HOOK2: variants seen among roughly 807,000 people sequenced by gnomAD.
The protein encoded by HOOK2 is protein Hook homolog 2.
A neutral mutation model predicts 111.9 loss-of-function variants in HOOK2; 108 were observed. The ratio of observed to expected loss-of-function variants is 0.96; its 90% CI spans 0.83 to 1.13. The LOEUF (loss-of-function observed/expected upper bound fraction) is 1.13. HOOK2 is among the 50% of genes most tolerant of loss of function. The pLI, the probability that HOOK2 is intolerant of heterozygous loss-of-function variation, is 0.00. For synonymous variants in HOOK2, 405 were observed against 394.3 expected, an observed-to-expected ratio of 1.03 and a Z score of -0.32; for missense variants, 978 against 951.3, an observed-to-expected ratio of 1.03 and a Z score of -0.37.
chr19:12,773,447 A>C (rs559914180), intron 3 of HOOK2, among the ~76,000 whole-genome samples: 1 of 151,754 alleles, frequency 6.6e-6, no homozygotes, highest in South Asian at 2.1e-4. Context: ...AGGTTTTGCT[A>C]TGTAGCCCAG....
chr19:12,763,190 C>G lies in HOOK2; in HGVS notation c.*92G>C. 1 of 1,298,832 alleles carries G rather than the reference C, an allele frequency of 7.7e-7. No individual in the cohort carries two copies. Among genetic ancestry groups the G allele is most frequent in the South Asian group, 1.3e-5 (1 of 75,538 alleles). 80.5% of individuals were successfully genotyped at this position (1,298,832 alleles called of 1,614,324 possible). The stretch of plus-strand genomic sequence containing the variant: ...GCAGAGATCATGGCCTCAAAGCTCT[C>G]GAGCACCTGGCTGAAGCCCAGTGCT... On this transcript the variant is annotated 3_prime_UTR_variant, in exon 23 of 23. Coordinates refer to ENST00000397668, the MANE Select transcript of HOOK2 (RefSeq NM_013312.3).
chr19:12,770,162 CAGGGTG>C, intron 10 of HOOK2, 80 bp from the exon 11 acceptor site: 4 of 1,266,912 alleles, frequency 3.2e-6, no homozygotes, highest in Non-Finnish European at 4.2e-6. Context: ...CCTTGGAGCA[CAGGGTG>C]TTGTTCAGCC....
chr19:12,776,126 C>G (rs1395198281), upstream of HOOK2, among the ~76,000 whole-genome samples: 1 of 150,664 alleles, frequency 6.6e-6, no homozygotes, highest in South Asian at 2.1e-4. Flanking sequence ...ATCCGCCCGC[C>G]TCGGCCTCCC....
Position 12,763,685 on chromosome 19 carries a change from G to T in HOOK2, c.1921C>A (p.Arg641Ser). The change falls in exon 21 of 23, where the codon CGC becomes AGC. Residue 641 changes from arginine (R) to serine (S), a missense_variant. Coordinates refer to ENST00000397668, the MANE Select transcript of HOOK2 (RefSeq NM_013312.3). ...LRTQLRERDV[R>S]IRHLEMDFEK... The stretch of plus-strand genomic sequence containing the variant: ...ACACCCACCTCCAGGTGTCGGATGC[G>T]GACATCCCGTTCTCGGAGCTGTGTC... 4 of 1,614,190 alleles carry T rather than the reference G, an allele frequency of 2.5e-6. No individual in the cohort carries two copies. The highest frequency in any genetic ancestry group is 3.4e-6 in the Non-Finnish European group (4 of 1,180,004).
At position 12,767,394 on chromosome 19, in the gene HOOK2, C is replaced by G; in HGVS notation, c.1373+1G>C. 1 of 1,613,714 alleles carries G rather than the reference C, an allele frequency of 6.2e-7. No homozygotes were observed. On this transcript the variant is annotated splice_donor_variant, in intron 14 of 22. Transcript: ENST00000397668. LOFTEE classifies it high-confidence loss of function. Reference sequence around the variant, plus strand: ...CAGAGTTTTGAGTGACCCCAGGATACCTGAGCTCCGCAGGCAGGATCTCTG... The same window carrying G: ...CAGAGTTTTGAGTGACCCCAGGATAGCTGAGCTCCGCAGGCAGGATCTCTG...
rs1158329719 is a variant in HOOK2, at chr19:12,774,890, G to C, written c.53C>G (p.Thr18Arg). Residue 18 changes from threonine to arginine, a missense_variant, in exon 2 of 23, where the codon ACG becomes AGG. Coordinates refer to ENST00000397668, the MANE Select transcript of HOOK2 (RefSeq NM_013312.3). ...LCGSLLTWLQ[T>R]FHVPSPCASP... The stretch of plus-strand genomic sequence containing the variant: ...GGCACAGGGAGACGGAACGTGGAAC[G>C]TCTGTAACTGAGGGGTAAAGGAAAG... The C allele has an allele frequency of 1.2e-6, 2 of 1,613,650 alleles. No homozygotes were observed. Among genetic ancestry groups the C allele is most frequent in the East Asian group, 4.5e-5 (2 of 44,864 alleles).
rs748260013 is a variant in HOOK2 at position 12,769,873 on chromosome 19, C to T, written c.1104+8G>A. The T allele has an allele frequency of 1.6e-5, 23 of 1,433,518 alleles. 1 individual carries two copies. The South Asian group carries it at 3.2e-4, about 20-fold the overall frequency. 88.8% of individuals were successfully genotyped at this position (1,433,518 alleles called of 1,614,324 possible). A position where few individuals can be genotyped will look rare whatever the true frequency, so the allele number is the denominator to read the frequency against. On this transcript the variant is annotated splice_region_variant and intron_variant, in intron 11 of 22. Coordinates refer to ENST00000397668, the MANE Select transcript of HOOK2 (RefSeq NM_013312.3). ...GGGGCCCCGGCCCTAACCCCGCCCC[C>T]GCCGCACCTGCCGCCGCTGCGCCTC...
chr19:12,775,607 C>T (rs889080006), upstream of HOOK2: 2 of 602,602 alleles, frequency 3.3e-6, no homozygotes, highest in Admixed American at 4.5e-5. Context: ...GCCCCCAAGC[C>T]CAGGCTCCGC....
chr19:12,784,367 G>A (rs1342378611), intron 3 of HOOK2, among the ~76,000 whole-genome samples: 1 of 152,096 alleles, frequency 6.6e-6, no homozygotes, highest in African/African-American at 2.4e-5. Context: ...AGATGATCCA[G>A]CAATGACTGT....
At chr19:12,776,069 G>A (rs1968500200), upstream of HOOK2, among the ~76,000 whole-genome samples, 1 of 149,320 alleles carries the variant, frequency 6.7e-6, no homozygotes, top group Non-Finnish European at 1.5e-5. Context: ...AGTAGAGACG[G>A]GGTTTCACCG....
At position 12,791,568 on chromosome 19, in the gene HOOK2, G is replaced by T. The variant is rs1487469352; in HGVS notation, n.42-17343C>A. ...GAAACGACGCCAGGAAAGCTATCGC[G>T]CCAGAGAGGGCGACGGGGGCTCGGG... On this transcript the variant is annotated intron_variant and non_coding_transcript_variant, in intron 3 of 3. Coordinates refer to the HOOK2 transcript ENST00000589765. This position sits in a 1 kb window ranked among gnomAD's most constrained non-coding sequence, Gnocchi z 7.0. The T allele has an allele frequency of 5.9e-6, 3 of 504,962 alleles. No individual in the cohort carries two copies. Among genetic ancestry groups the T allele is most frequent in the African/African-American group, 4.1e-5 (2 of 48,784 alleles). The allele number at this position is 504,962 out of a possible 1,614,324, so 31.3% of individuals were successfully genotyped here.
chr19:12,783,547 C>A (rs994955233), intron 3 of HOOK2, among the ~76,000 whole-genome samples: 2 of 151,864 alleles, frequency 1.3e-5, no homozygotes, highest in African/African-American at 4.8e-5. Flanking sequence ...TACTCCACCC[C>A]ACATGTACCA....
intron 3 of HOOK2, among the ~76,000 whole-genome samples, chr19:12,785,881 C>T (rs1438730589): frequency 6.6e-6 from 1 of 152,122 alleles, no homozygotes; most frequent in Non-Finnish European, 1.5e-5. Context: ...TTGCCACTTC[C>T]CCTAGGAGGC....
chr19:12,789,174 TGAGA>T (rs141897369), intron 3 of HOOK2, among the ~76,000 whole-genome samples: 5 of 147,504 alleles, frequency 3.4e-5, no homozygotes, highest in East Asian at 3.9e-4. Flanking sequence ...CCTGGGAAGC[TGAGA>T]GAGAGAGAGA....
chr19:12,782,184 G>A (rs1968608997), upstream of HOOK2, among the ~76,000 whole-genome samples: 1 of 152,310 alleles, frequency 6.6e-6, no homozygotes, highest in South Asian at 2.1e-4. Flanking sequence ...TGCTTTATCA[G>A]GATGTATCTG....
At chr19:12,787,598 C>T (rs752593644) in intron 3 of HOOK2, among the ~76,000 whole-genome samples, 3 of 151,886 alleles carry the variant, frequency 2.0e-5, no homozygotes, top group Non-Finnish European at 4.4e-5. Flanking sequence ...TGCCACTGCA[C>T]TCCACCCTGG....
rs760891552 is a variant in HOOK2, at chr19:12,763,568, T to C, written c.1970A>G (p.Glu657Gly). ...MDFEKSRSQR[E>G]QEEKLLISAW... ...ACTGATGAGCAGCTTTTCTTCCTGC[T>C]CCCGCTGACTTCGGCTTTTCTCAAA... The change falls in exon 22 of 23, where the codon GAG becomes GGG. Residue 657 changes from glutamate (E) to glycine (G), a missense_variant. Physicochemically the swap from Glu to Gly is moderately conservative, Grantham distance 98. This residue lies in a region of HOOK2 where 277 missense variants were observed against 265.8 expected (regional missense o/e 1.04). Transcript: ENST00000397668. The C allele has an allele frequency of 5.0e-6, 8 of 1,614,184 alleles. No homozygotes were observed. Among genetic ancestry groups the C allele is most frequent in the Non-Finnish European group, 6.8e-6 (8 of 1,180,034 alleles).
chr19:12,763,750 C>G lies in HOOK2; in HGVS notation c.1856G>C (p.Arg619Pro). ...MVMQTMEPKQ[R>P]PAAGAPPELH... ...TTCTGGAGGTGCCCCCGCAGCTGGCCGCTGCTTGGGTTCCATGGTCTGCAT... is the reference window on the plus strand; with the variant it reads ...TTCTGGAGGTGCCCCCGCAGCTGGCGGCTGCTTGGGTTCCATGGTCTGCAT... Residue 619 changes from arginine to proline, a missense_variant, in exon 21 of 23, where the codon CGG becomes CCG. Transcript: ENST00000397668. 6.2e-7 allele frequency: 1 copy of G among 1,614,130 alleles called. No individual in the cohort carries two copies. The highest frequency in any genetic ancestry group is 1.3e-5 in the African/African-American group (1 of 75,050).
At chr19:12,789,457 C>A (rs971257659) in intron 3 of HOOK2, among the ~76,000 whole-genome samples, 2 of 152,138 alleles carry the variant, frequency 1.3e-5, no homozygotes, top group African/African-American at 4.8e-5. Context: ...GGGGCTCCCT[C>A]TAGGTATTCT....
Sources: allele counts gnomAD v4.1 joint callset (sites outside exome capture counted in the v4.1 genomes callset), GRCh38; gene constraint gnomAD v4.1.1; regional missense constraint gnomAD v4.1.1; non-coding constraint Gnocchi (gnomAD v3.1); transcripts MANE v1.5; gene names NCBI Gene and HGNC (gene_info 2026-07-23, HGNC 2026-07-21).